Variants in DAGLA observed in about 807,000 individuals in gnomAD.
The protein encoded by DAGLA is diacylglycerol lipase alpha.
Under a neutral mutation model 102.6 loss-of-function variants are expected in DAGLA, and 22 were observed. That is an observed-to-expected ratio of 0.21 (90% CI 0.15 to 0.31). The LOEUF (loss-of-function observed/expected upper bound fraction) is 0.31. DAGLA is among the 10% of genes least tolerant of loss of function. DAGLA has a pLI of 1.00. For missense variants in DAGLA, 927 were observed against 1,446.6 expected (o/e 0.64, Z 5.83); for synonymous variants, 578 against 628.9 (o/e 0.92, Z 1.21).
chr11:61,724,611 TC>T (rs1259192681), intron 5 of DAGLA, among the ~76,000 whole-genome samples: 1 of 152,022 alleles, frequency 6.6e-6, no homozygotes, highest in Non-Finnish European at 1.5e-5. Flanking sequence ...TGTGTTCGGC[TC>T]CCCGTGGACC....
At chr11:61,694,926 G>A (rs1010568191) in intron 1 of DAGLA, among the ~76,000 whole-genome samples, 27 of 152,160 alleles carry the variant, frequency 1.8e-4, no homozygotes, top group Non-Finnish European at 3.2e-4. Context: ...AAAAGCTGGG[G>A]GCCTGGCAAA....
At chr11:61,743,152 C>T (rs1231985592) in intron 19 of DAGLA, among the ~76,000 whole-genome samples, 1 of 152,132 alleles carries the variant, frequency 6.6e-6, no homozygotes, top group East Asian at 1.9e-4. Context: ...ATCACCAGGT[C>T]AGCAGATTGA....
intron 5 of DAGLA, among the ~76,000 whole-genome samples, chr11:61,725,513 T>C (rs1351961931): frequency 1.3e-5 from 2 of 152,188 alleles, no homozygotes; most frequent in Non-Finnish European, 2.9e-5. Flanking sequence ...TCTGAAATCC[T>C]TTCTGGGGAA....
chr11:61,695,258 G>C (rs1591026253), intron 1 of DAGLA, among the ~76,000 whole-genome samples: 1 of 151,660 alleles, frequency 6.6e-6, no homozygotes, highest in African/African-American at 2.4e-5. Flanking sequence ...CGCTCTTTCT[G>C]TTCAACCATC....
intron 5 of DAGLA, among the ~76,000 whole-genome samples, chr11:61,724,447 G>A (rs932197470): frequency 9.2e-5 from 14 of 152,206 alleles, no homozygotes; most frequent in Non-Finnish European, 2.1e-4. Flanking sequence ...AAGTCCCAGA[G>A]AGGGCAGGTC....
At chr11:61,712,410 G>C (rs934067760) in intron 1 of DAGLA, among the ~76,000 whole-genome samples, 1 of 152,184 alleles carries the variant, frequency 6.6e-6, no homozygotes, top group Non-Finnish European at 1.5e-5. Flanking sequence ...GAGTGGGAAA[G>C]GCGTTTGTTA....
intron 1 of DAGLA, among the ~76,000 whole-genome samples, chr11:61,688,613 C>T (rs1477675558): frequency 6.6e-6 from 1 of 152,212 alleles, no homozygotes; most frequent in Non-Finnish European, 1.5e-5. Flanking sequence ...CCCTCCCACT[C>T]TGGGCGCCTG....
At chr11:61,731,563 G>A (rs1165803793) in intron 9 of DAGLA, 122 bp downstream of exon 9, 4 of 1,324,620 alleles carry the variant, frequency 3.0e-6, no homozygotes, top group Non-Finnish European at 4.2e-6. Flanking sequence ...CACCTTCTCT[G>A]GGCCTCAACC....
Position 61,743,535 on chromosome 11 carries a change from C to T in DAGLA, c.2175C>T (p.Ser725=), listed in dbSNP as rs1239799015. The T allele has an allele frequency of 1.3e-6, 2 of 1,515,204 alleles. No homozygotes were observed. Among genetic ancestry groups the T allele is most frequent in the Non-Finnish European group, 1.8e-6 (2 of 1,137,466 alleles). 93.9% of individuals were successfully genotyped at this position (1,515,204 alleles called of 1,614,324 possible). A position where few individuals can be genotyped will look rare whatever the true frequency, so the allele number is the denominator to read the frequency against. ...TADHRNSSVR[S]KSQSEMSLEG... is the part of the protein sequence containing the mutation. ...CTGCTCTCCTCTCCCTCTGCAGGAGCAAGTCCCAGTCTGAGATGAGCCTGG... is the reference window on the plus strand; with the variant it reads ...CTGCTCTCCTCTCCCTCTGCAGGAGTAAGTCCCAGTCTGAGATGAGCCTGG... Residue 725 remains serine, a synonymous_variant, in exon 20 of 20, where the codon AGC becomes AGT. Coordinates refer to ENST00000257215, the MANE Select transcript of DAGLA (RefSeq NM_006133.3).
intron 2 of DAGLA, 37 bp downstream of exon 2, chr11:61,720,287 G>A: frequency 6.3e-7 from 1 of 1,595,100 alleles, no homozygotes; most frequent in South Asian, 1.1e-5. Flanking sequence ...GCCTGGGTTT[G>A]GAGAGAAAGG....
At position 61,688,087 on chromosome 11, in the gene DAGLA, C is replaced by T. The variant is rs968966834; in HGVS notation, c.-45+7583C>T. 4.6e-5 allele frequency among the ~76,000 whole-genome samples: 7 copies of T among 151,944 alleles called. No individual in the cohort carries two copies. In the South Asian group the frequency reaches 6.2e-4, roughly 14 times the overall value. On this transcript the variant is annotated intron_variant, in intron 1 of 19. Transcript: ENST00000257215. The stretch of plus-strand genomic sequence containing the variant: ...ATCCCAGCACTTTGGGAGACCGAGG[C>T]GGGCGGGTCACGAGGTCAGGAGATC...
At chr11:61,723,222 G>A (rs574668600) in intron 4 of DAGLA, among the ~76,000 whole-genome samples, 1 of 152,310 alleles carries the variant, frequency 6.6e-6, no homozygotes, top group Admixed American at 6.5e-5. Flanking sequence ...AGAGCTGCCT[G>A]CTCTGAGCCA....
In DAGLA at chr11:61,686,052, G is replaced by A. The variant is rs2064983625; in HGVS notation, c.-45+5548G>A. ...GCTGGTGCCACCCACCAGGAAGAGT[G>A]GTATGGCAGCAGGGTACTGAGGGAC... On this transcript the variant is annotated intron_variant, in intron 1 of 19. Transcript: ENST00000257215. The surrounding 1 kb of genome is among the most constrained non-coding windows in gnomAD (Gnocchi z 5.2). 6.6e-6 allele frequency among the ~76,000 whole-genome samples: 1 copy of A among 152,132 alleles called. No individual in the cohort carries two copies.
At chr11:61,718,212 C>G (rs1362096385) in intron 1 of DAGLA, among the ~76,000 whole-genome samples, 2 of 152,142 alleles carry the variant, frequency 1.3e-5, no homozygotes, top group East Asian at 3.9e-4. Flanking sequence ...CCCTCTGGGA[C>G]AGCACTGCTC....
intron 1 of DAGLA, among the ~76,000 whole-genome samples, chr11:61,715,282 T>C (rs1186311968): frequency 6.6e-6 from 1 of 152,226 alleles, no homozygotes; most frequent in African/African-American, 2.4e-5. Context: ...TCCCTATGGC[T>C]GGACCTGGCT....
intron 8 of DAGLA, 25 bp downstream of exon 8, chr11:61,729,033 C>T: frequency 6.3e-7 from 1 of 1,597,010 alleles, no homozygotes; most frequent in Non-Finnish European, 8.6e-7. Context: ...AACTCTCACC[C>T]CACCCCGTCC....
rs368824591 is a variant in DAGLA, at chr11:61,728,920, C to T, written c.772-11C>T. On this transcript the variant is annotated splice_polypyrimidine_tract_variant and intron_variant, in intron 7 of 19. Transcript: ENST00000257215. ...CCAGTGATTGTCCTTCTTCACCTGCCGGTCTTACAGGCAAACAATGACATC... is the reference window on the plus strand; with the variant it reads ...CCAGTGATTGTCCTTCTTCACCTGCTGGTCTTACAGGCAAACAATGACATC... 102 of 1,613,608 alleles carry T rather than the reference C, an allele frequency of 6.3e-5. No homozygotes were observed. In the African/African-American group the frequency reaches 7.3e-4, roughly 12 times the overall value.
chr11:61,727,409 A>G (rs1414355381), intron 6 of DAGLA, among the ~76,000 whole-genome samples: 1 of 152,242 alleles, frequency 6.6e-6, no homozygotes, highest in Non-Finnish European at 1.5e-5. Context: ...CCAGTGAGAC[A>G]GACTTCATTG....
intron 19 of DAGLA, among the ~76,000 whole-genome samples, chr11:61,741,738 A>G (rs907669866): frequency 1.3e-4 from 19 of 151,822 alleles, no homozygotes; most frequent in African/African-American, 4.1e-4. Flanking sequence ...CAGCCTCCCA[A>G]GTAGCTGGGA....
Sources: allele counts gnomAD v4.1 joint callset (sites outside exome capture counted in the v4.1 genomes callset), GRCh38; gene constraint gnomAD v4.1.1; non-coding constraint Gnocchi (gnomAD v3.1); transcripts MANE v1.5; gene names NCBI Gene and HGNC (gene_info 2026-07-23, HGNC 2026-07-21).